The following CHST8 variants were observed in gnomAD, a reference collection of about 807,000 sequenced individuals.
CHST8 encodes carbohydrate sulfotransferase 8.
CHST8 carries 10 observed loss-of-function variants against 15.0 expected under a neutral mutation model. The ratio of observed to expected loss-of-function variants is 0.67; its 90% CI spans 0.41 to 1.13. CHST8 has a LOEUF of 1.13. CHST8 is among the 50% of genes most tolerant of loss of function. The pLI is 0.00. For missense variants in CHST8, 634 were observed against 608.2 expected (o/e 1.04, Z -0.45); for synonymous variants, 259 against 256.6 (o/e 1.01, Z -0.09).
rs2145245608 is a variant in CHST8, at chr19:33,681,898, C to A, written c.-86-7278C>A. 2.7e-5 allele frequency among the ~76,000 whole-genome samples: 4 copies of A among 150,370 alleles called. No individual in the cohort carries two copies. The South Asian group carries it at 8.4e-4, about 32-fold the overall frequency. On this transcript the variant is annotated intron_variant, in intron 2 of 4. Transcript: ENST00000650847. ...TTTTTTTTTTTTTAACGGAGTTTCG[C>A]TCTTGTCACCCAGGCTGGAGTGCAA...
At chr19:33,702,958 C>T (rs549878562) in intron 3 of CHST8, among the ~76,000 whole-genome samples, 2 of 152,342 alleles carry the variant, frequency 1.3e-5, no homozygotes, top group South Asian at 4.1e-4. Flanking sequence ...AGGGATGCCA[C>T]ATGGCTGGAC....
rs115861907 is a variant in CHST8 at position 33,769,237 on chromosome 19, A to G, written c.131-2176A>G. On this transcript the variant is annotated intron_variant, in intron 3 of 4. Coordinates refer to ENST00000650847, the MANE Select transcript of CHST8 (RefSeq NM_001127895.2). ...AACCTCAACAAGCACATGGCCTTCC[A>G]TCTTCCCCCCGACTGGCAGGATCCC... Among the ~76,000 whole-genome samples, 1,160 of 152,334 alleles carry G rather than the reference A, an allele frequency of 7.6e-3. 17 individuals are homozygous for G. Among genetic ancestry groups the G allele is most frequent in the African/African-American group, 0.026 (1,072 of 41,574 alleles).
Position 33,689,381 on chromosome 19 carries a change from GC to G in CHST8, c.121del (p.Gln41ArgfsTer5). The G allele has an allele frequency of 6.3e-7, 1 of 1,595,722 alleles. No individual in the cohort carries two copies. ...LQDPTELAPQ[Q>X]VPGIKFNIRP... ...AGGACCCTACGGAGCTCGCCCCCCA[GC>G]AGGTGCCAGGTGAGTCCTTGCGCTG... On this transcript the variant is annotated frameshift_variant, in exon 3 of 5. Coordinates refer to ENST00000650847, the MANE Select transcript of CHST8 (RefSeq NM_001127895.2). LOFTEE classifies it low-confidence loss of function (END_TRUNC).
At chr19:33,746,851 T>C (rs1974323488) in intron 3 of CHST8, among the ~76,000 whole-genome samples, 1 of 152,200 alleles carries the variant, frequency 6.6e-6, no homozygotes, top group Non-Finnish European at 1.5e-5. Flanking sequence ...GCATTTATTT[T>C]TCCATAAGAT....
intron 1 of CHST8, among the ~76,000 whole-genome samples, chr19:33,648,789 C>T (rs919446159): frequency 6.7e-6 from 1 of 150,180 alleles, no homozygotes; most frequent in African/African-American, 2.4e-5. Flanking sequence ...TAATAATCGC[C>T]AAAAGGTAGA....
chr19:33,765,778 C>T (rs878952977), intron 3 of CHST8, among the ~76,000 whole-genome samples: 4 of 152,058 alleles, frequency 2.6e-5, no homozygotes, highest in African/African-American at 9.7e-5. Flanking sequence ...CCAGGATGGT[C>T]TTGATCTCTT....
intron 2 of CHST8, among the ~76,000 whole-genome samples, chr19:33,686,492 A>T (rs1972982848): frequency 6.6e-6 from 1 of 151,960 alleles, no homozygotes. Flanking sequence ...TCTTGTAACC[A>T]CTCTGCAGCG....
intron 1 of CHST8, among the ~76,000 whole-genome samples, chr19:33,649,085 T>G (rs1168488863): frequency 6.6e-6 from 1 of 151,722 alleles, no homozygotes; most frequent in Non-Finnish European, 1.5e-5. Context: ...TGTATTTTTA[T>G]TAGAGACAGG....
intron 3 of CHST8, among the ~76,000 whole-genome samples, chr19:33,713,906 C>T (rs1973608192): frequency 6.6e-6 from 1 of 152,118 alleles, no homozygotes; most frequent in African/African-American, 2.4e-5. Flanking sequence ...GAATCCCTGA[C>T]AGAGCCTGGC....
At chr19:33,627,097 T>TG (rs1972063701) in intron 1 of CHST8, among the ~76,000 whole-genome samples, 448 of 33,440 alleles carry the variant, frequency 0.013, 5 homozygotes, top group African/African-American at 0.043. Context: ...TCCTCTTTTT[T>TG]TGGGGGGGGG....
intron 3 of CHST8, among the ~76,000 whole-genome samples, chr19:33,720,066 C>T (rs1332963535): frequency 6.6e-6 from 1 of 152,146 alleles, no homozygotes; most frequent in African/African-American, 2.4e-5. Flanking sequence ...TGTCTGTACA[C>T]ACAGCTCCTC....
At chr19:33,639,102 AAAAAAAAGAG>A (rs1393760923) in intron 1 of CHST8, among the ~76,000 whole-genome samples, 5 of 151,100 alleles carry the variant, frequency 3.3e-5, no homozygotes, top group African/African-American at 4.9e-5. Flanking sequence ...AAAAAAAAAA[AAAAAAAAGAG>A]GAGGTACAAT....
chr19:33,688,893 C>T (rs1973038824), intron 2 of CHST8, among the ~76,000 whole-genome samples: 1 of 152,090 alleles, frequency 6.6e-6, no homozygotes, highest in Admixed American at 6.5e-5. Flanking sequence ...CCTGGAGGTT[C>T]CCAACTGGGC....
chr19:33,683,315 T>G (rs1441700226), intron 2 of CHST8, among the ~76,000 whole-genome samples: 1 of 152,236 alleles, frequency 6.6e-6, no homozygotes, highest in East Asian at 1.9e-4. Context: ...TTAATGTGTA[T>G]GTATATGTAG....
rs1424450380 is a variant in CHST8, at chr19:33,768,638, G to C, written c.131-2775G>C. On this transcript the variant is annotated intron_variant, in intron 3 of 4. Coordinates refer to ENST00000650847, the MANE Select transcript of CHST8 (RefSeq NM_001127895.2). ...AGCTAATTTTTTTGTATTTTTAGTA[G>C]AGATCGGGTTTCACTATATTGGCCA... Among the ~76,000 whole-genome samples, 3 of 152,050 alleles carry C rather than the reference G, an allele frequency of 2.0e-5. No individual in the cohort carries two copies. In the East Asian group the frequency reaches 5.8e-4, roughly 29 times the overall value.
chr19:33,711,593 T>C (rs550968160), intron 3 of CHST8, among the ~76,000 whole-genome samples: 2 of 152,148 alleles, frequency 1.3e-5, no homozygotes, highest in Non-Finnish European at 2.9e-5. Flanking sequence ...CAAGAAGTAG[T>C]AGTAAGGAAA....
At chr19:33,702,199 C>T (rs1278586302) in intron 3 of CHST8, among the ~76,000 whole-genome samples, 1 of 152,134 alleles carries the variant, frequency 6.6e-6, no homozygotes. Flanking sequence ...GTCTCAAACT[C>T]CTGACCTCGG....
At chr19:33,714,032 G>T (rs1973611865) in intron 3 of CHST8, among the ~76,000 whole-genome samples, 1 of 152,166 alleles carries the variant, frequency 6.6e-6, no homozygotes, top group South Asian at 2.1e-4. Flanking sequence ...TTGACTGCTT[G>T]TTAGGATCAC....
intron 3 of CHST8, among the ~76,000 whole-genome samples, chr19:33,717,087 C>T (rs562475783): frequency 1.3e-5 from 2 of 152,244 alleles, no homozygotes; most frequent in East Asian, 3.9e-4. Context: ...TCAACCCCAG[C>T]CAGTGTCCAG....
Sources: allele counts gnomAD v4.1 joint callset (sites outside exome capture counted in the v4.1 genomes callset), GRCh38; gene constraint gnomAD v4.1.1; transcripts MANE v1.5; gene names NCBI Gene and HGNC (gene_info 2026-07-23, HGNC 2026-07-21).